The following SERGEF variants were observed in gnomAD, a reference collection of about 807,000 sequenced individuals.
SERGEF encodes the protein secretion regulating guanine nucleotide exchange factor, also known as secretion-regulating guanine nucleotide exchange factor.
A neutral mutation model predicts 50.0 loss-of-function variants in SERGEF; 51 were observed. That is an observed-to-expected ratio of 1.02 (90% CI 0.81 to 1.29). SERGEF has a LOEUF of 1.29. Ranked by LOEUF, SERGEF falls within the 50% of genes most tolerant of loss-of-function variation. SERGEF has a pLI of 0.00. For synonymous variants in SERGEF, 205 were observed against 212.4 expected (o/e 0.97, Z 0.30); for missense variants, 521 against 557.0 (o/e 0.94, Z 0.65).
At chr11:17,988,075 T>C (rs1384400060) in intron 8 of SERGEF, among the ~76,000 whole-genome samples, 1 of 152,186 alleles carries the variant, frequency 6.6e-6, no homozygotes, top group Non-Finnish European at 1.5e-5. Flanking sequence ...CCAAAAGCTG[T>C]ATGGCATGAT....
At chr11:17,825,658 C>T (rs958872866) in intron 10 of SERGEF, among the ~76,000 whole-genome samples, 32 of 152,168 alleles carry the variant, frequency 2.1e-4, no homozygotes, top group Admixed American at 2.1e-3. Flanking sequence ...GGTTTGCACA[C>T]ATGCTTTTGG....
chr11:17,959,696 G>A, intron 8 of SERGEF, 60 bp from the exon 9 acceptor site: 1 of 1,406,192 alleles, frequency 7.1e-7, no homozygotes, highest in Non-Finnish European at 9.7e-7. Flanking sequence ...TCATGGGTAG[G>A]CAATGAATTA....
chr11:17,799,553 G>A (rs1849628226), intron 10 of SERGEF, among the ~76,000 whole-genome samples: 1 of 152,202 alleles, frequency 6.6e-6, no homozygotes. Context: ...CTGAAGCCTG[G>A]TCACCACCAG....
intron 7 of SERGEF, among the ~76,000 whole-genome samples, chr11:17,990,294 C>T (rs1853686526): frequency 6.6e-6 from 1 of 152,150 alleles, no homozygotes; most frequent in African/African-American, 2.4e-5. Flanking sequence ...TCCTCAACTC[C>T]AAAATGAGGG....
At position 17,959,628 on chromosome 11, in the gene SERGEF, T is replaced by TGG. The variant is rs768477562; in HGVS notation, c.852_853insCC (p.Lys285ProfsTer14). On this transcript the variant is annotated frameshift_variant, in exon 9 of 11. Coordinates refer to ENST00000265965, the MANE Select transcript of SERGEF (RefSeq NM_012139.4). LOFTEE classifies it high-confidence loss of function. ...TCTGCTCGGCCCCAGGTAAACATCT[T>TGG]GCCAGTTTCTAAAAACAAATATTAT... 2 of 1,610,358 alleles carry TGG rather than the reference T, an allele frequency of 1.2e-6. No homozygotes were observed. Among genetic ancestry groups the TGG allele is most frequent in the African/African-American group, 2.7e-5 (2 of 74,610 alleles).
At chr11:17,874,853 C>T (rs1367576847) in intron 10 of SERGEF, among the ~76,000 whole-genome samples, 1 of 151,866 alleles carries the variant, frequency 6.6e-6, no homozygotes, top group Non-Finnish European at 1.5e-5. Context: ...CTGGGAAAGA[C>T]ACTTCCTTCT....
At chr11:17,917,714 C>A (rs182902492) in intron 9 of SERGEF, among the ~76,000 whole-genome samples, 4 of 152,286 alleles carry the variant, frequency 2.6e-5, no homozygotes, top group Admixed American at 2.6e-4. Context: ...AGTTCGAGAA[C>A]CATCACCCAA....
At chr11:17,923,732 G>A (rs953354455) in intron 9 of SERGEF, among the ~76,000 whole-genome samples, 1 of 152,138 alleles carries the variant, frequency 6.6e-6, no homozygotes, top group African/African-American at 2.4e-5. Flanking sequence ...GGATGCAGAG[G>A]TGGGTGTACA....
At chr11:17,938,866 T>A (rs1286813255) in intron 9 of SERGEF, among the ~76,000 whole-genome samples, 1 of 152,184 alleles carries the variant, frequency 6.6e-6, no homozygotes, top group African/African-American at 2.4e-5. Flanking sequence ...GTAGAGATAC[T>A]TCATGGGTAT....
chr11:17,907,311 T>A, intron 9 of SERGEF, among the ~76,000 whole-genome samples: 1 of 152,188 alleles, frequency 6.6e-6, no homozygotes, highest in East Asian at 1.9e-4. Flanking sequence ...AGTCTTCATC[T>A]GCAAAATGAG....
chr11:17,800,724 G>C (rs1849653024), intron 10 of SERGEF, among the ~76,000 whole-genome samples: 1 of 152,300 alleles, frequency 6.6e-6, no homozygotes, highest in Admixed American at 6.5e-5. Context: ...TGGCCCCTGA[G>C]TTGCGACCTG....
intron 9 of SERGEF, among the ~76,000 whole-genome samples, chr11:17,879,930 T>G (rs1191381435): frequency 1.3e-5 from 2 of 152,238 alleles, no homozygotes; most frequent in Non-Finnish European, 2.9e-5. Context: ...GTTCCTTTGG[T>G]AGTGTTTCTC....
chr11:17,857,879 C>G (rs1384726613), intron 10 of SERGEF, among the ~76,000 whole-genome samples: 2 of 152,174 alleles, frequency 1.3e-5, no homozygotes, highest in East Asian at 3.8e-4. Flanking sequence ...CCAAAACCCT[C>G]TTAAGCCAAC....
intron 5 of SERGEF, among the ~76,000 whole-genome samples, chr11:17,998,786 A>G (rs1432724231): frequency 1.3e-5 from 2 of 151,308 alleles, no homozygotes. Context: ...CACCCAAAAA[A>G]GGCCATGCAA....
At chr11:17,865,982 G>A (rs568938880) in intron 10 of SERGEF, among the ~76,000 whole-genome samples, 23 of 152,320 alleles carry the variant, frequency 1.5e-4, no homozygotes, top group Non-Finnish European at 2.8e-4. Context: ...AGTAAATGCC[G>A]TATACAGATG....
intron 5 of SERGEF, among the ~76,000 whole-genome samples, chr11:17,998,192 G>C (rs1384223000): frequency 6.6e-6 from 1 of 151,836 alleles, no homozygotes; most frequent in Non-Finnish European, 1.5e-5. Flanking sequence ...CAGGAAGACT[G>C]TCAGAGGCTG....
chr11:17,992,796 A>G lies in SERGEF; in HGVS notation c.685+135T>C, dbSNP rs1853744826. ...AGAAAGGAAAAGTAATTTGCCTAAG[A>G]GCATACCAGTGGTAGCATCAGAATT... is the stretch of plus-strand genomic sequence containing the variant. On this transcript the variant is annotated intron_variant, in intron 7 of 10. Coordinates refer to ENST00000265965, the MANE Select transcript of SERGEF (RefSeq NM_012139.4). The G allele has an allele frequency of 1.3e-5, 10 of 741,096 alleles. 1 individual carries two copies. In the South Asian group the frequency reaches 1.6e-4, roughly 12 times the overall value. The allele number at this position is 741,096 out of a possible 1,614,324, so 45.9% of individuals were successfully genotyped here.
chr11:17,844,604 C>A (rs1850567549), intron 10 of SERGEF, among the ~76,000 whole-genome samples: 1 of 152,136 alleles, frequency 6.6e-6, no homozygotes, highest in East Asian at 1.9e-4. Context: ...TTGCCAAAGC[C>A]TTGCGTCTTC....
At chr11:17,967,516 T>C (rs1853150370) in intron 8 of SERGEF, among the ~76,000 whole-genome samples, 1 of 152,194 alleles carries the variant, frequency 6.6e-6, no homozygotes, top group Non-Finnish European at 1.5e-5. Context: ...TTTTCACCAC[T>C]GACTTTATTA....
Sources: allele counts gnomAD v4.1 joint callset (sites outside exome capture counted in the v4.1 genomes callset), GRCh38; gene constraint gnomAD v4.1.1; transcripts MANE v1.5; gene names NCBI Gene and HGNC (gene_info 2026-07-23, HGNC 2026-07-21).